Variants in NODAL observed in about 807,000 individuals in gnomAD.
The protein encoded by NODAL is nodal growth differentiation factor.
In NODAL, 12 loss-of-function variants were observed where a neutral mutation model predicts 34.0. The observed-to-expected ratio is 0.35, with a 90% CI of 0.23 to 0.57. The LOEUF is 0.57. Among genes scored for constraint, NODAL ranks in the 20% least tolerant of loss-of-function variants. The pLI is 0.83. For missense variants in NODAL, 390 were observed against 444.2 expected (o/e 0.88, Z 1.10); for synonymous variants, 162 against 186.4 (o/e 0.87, Z 1.07).
upstream of NODAL, among the ~76,000 whole-genome samples, chr10:70,442,849 T>A (rs1845447640): frequency 6.6e-6 from 1 of 152,108 alleles, no homozygotes; most frequent in African/African-American, 2.4e-5. Flanking sequence ...TTAGGGAGGA[T>A]GAGGCTGGCA....
intron 1 of NODAL, among the ~76,000 whole-genome samples, chr10:70,440,830 G>A (rs1845421601): frequency 6.6e-6 from 1 of 152,146 alleles, no homozygotes; most frequent in South Asian, 2.1e-4. Flanking sequence ...CGCGACTTCG[G>A]GACAGCCCAT....
At chr10:70,443,201 T>C (rs558859841), upstream of NODAL, among the ~76,000 whole-genome samples, 3 of 152,318 alleles carry the variant, frequency 2.0e-5, no homozygotes, top group South Asian at 6.2e-4. Context: ...GCTCCAAGCC[T>C]TTGTCCTCTG....
At position 70,441,549 on chromosome 10, in the gene NODAL, G is replaced by A; in HGVS notation, c.119C>T (p.Pro40Leu). 1.9e-6 allele frequency: 3 copies of A among 1,590,054 alleles called. No homozygotes were observed. Among genetic ancestry groups the A allele is most frequent in the Non-Finnish European group, 2.6e-6 (3 of 1,169,834 alleles). ...RTRGQPSSPSPLAYMLSLYRD... is the reference protein window; with the variant it reads ...RTRGQPSSPSLLAYMLSLYRD... ...GTAGAGGCTCAGCATGTACGCCAGA[G>A]GGGATGGCGACGAGGGCTGCCCCCG... The change falls in exon 1 of 3, where the codon CCT becomes CTT. Residue 40 changes from proline (P) to leucine (L), a missense_variant. Transcript: ENST00000287139.
upstream of NODAL, among the ~76,000 whole-genome samples, chr10:70,445,289 G>A (rs1026072100): frequency 6.6e-6 from 1 of 151,898 alleles, no homozygotes; most frequent in Non-Finnish European, 1.5e-5. Flanking sequence ...ACGGAGTCTC[G>A]CTCTGTCGCC....
rs1460088890 is a variant in NODAL at position 70,435,417 on chromosome 10, C to A, written c.760G>T (p.Val254Leu). ...CCCCATCCGATCAGGTTGAAGTCCA[C>A]CTGGAACTTGACCTTCCGACACAGT... ...SQLCRKVKFQ[V>L]DFNLIGWGSW... The change falls in exon 2 of 3, where the codon GTG (valine) becomes TTG (leucine). Residue 254 changes from valine (V) to leucine (L), a missense_variant. Val to Leu is a conservative substitution (Grantham distance 32). Coordinates refer to ENST00000287139, the MANE Select transcript of NODAL (RefSeq NM_018055.5). 6.2e-7 allele frequency: 1 copy of A among 1,614,064 alleles called. No individual in the cohort carries two copies. Among genetic ancestry groups the A allele is most frequent in the Non-Finnish European group, 8.5e-7 (1 of 1,180,044 alleles).
In NODAL at chr10:70,435,625, G is replaced by T; in HGVS notation, c.552C>A (p.Pro184=). Reference sequence around the variant, plus strand: ...GCACATTGGTGGCAGGCGGTGTGGGGGGCCGCGGCCAGCACTCTCCAGCTA... The same window carrying T: ...GCACATTGGTGGCAGGCGGTGTGGGTGGCCGCGGCCAGCACTCTCCAGCTA... ...SRVAGECWPR[P]PTPPATNVLL... Residue 184 remains proline (P), a synonymous_variant, in exon 2 of 3, where the codon CCC becomes CCA. Transcript: ENST00000287139. 1 of 1,613,960 alleles carries T rather than the reference G, an allele frequency of 6.2e-7. No individual in the cohort carries two copies. Among genetic ancestry groups the T allele is most frequent in the Non-Finnish European group, 8.5e-7 (1 of 1,179,942 alleles).
chr10:70,445,780 G>C (rs1326077460), upstream of NODAL, among the ~76,000 whole-genome samples: 1 of 152,116 alleles, frequency 6.6e-6, no homozygotes, highest in East Asian at 1.9e-4. Context: ...ACCCAAACCC[G>C]TTGCTTCCCC....
upstream of NODAL, among the ~76,000 whole-genome samples, chr10:70,444,210 G>A (rs1845463609): frequency 6.6e-6 from 1 of 152,136 alleles, no homozygotes. Context: ...TGGGATTACA[G>A]GCGTGAACCA....
In NODAL at chr10:70,432,488, A is replaced by G. The variant is rs903815836; in HGVS notation, c.*448T>C. The G allele has an allele frequency of 3.7e-6, 1 of 273,948 alleles. No individual in the cohort carries two copies. Among genetic ancestry groups the G allele is most frequent in the South Asian group, 4.2e-5 (1 of 23,784 alleles). The allele number at this position is 273,948 out of a possible 1,614,324, so 17.0% of individuals were successfully genotyped here. A position where few individuals can be genotyped will look rare whatever the true frequency, so the allele number is the denominator to read the frequency against. ...TTTTTAATCTATACAGTGATCCTTA[A>G]TCTTTGGGGAGGGGGACAGGTCACA... On this transcript the variant is annotated 3_prime_UTR_variant, in exon 3 of 3. Transcript: ENST00000287139.
chr10:70,440,986 C>A (rs1050420183), intron 1 of NODAL, among the ~76,000 whole-genome samples: 1 of 152,232 alleles, frequency 6.6e-6, no homozygotes, highest in Non-Finnish European at 1.5e-5. Context: ...GTAATACCAA[C>A]GACCGTTGAC....
At chr10:70,440,661 G>C (rs1048771073) in intron 1 of NODAL, among the ~76,000 whole-genome samples, 1 of 152,172 alleles carries the variant, frequency 6.6e-6, no homozygotes, top group African/African-American at 2.4e-5. Flanking sequence ...CGCCGCGCTG[G>C]GTGCCCAGAA....
intron 1 of NODAL, among the ~76,000 whole-genome samples, chr10:70,438,991 T>C (rs953708227): frequency 5.3e-5 from 8 of 152,162 alleles, no homozygotes; most frequent in African/African-American, 1.9e-4. Context: ...ATGCCCCTGA[T>C]GTCCTCCTGG....
rs150819707 is a variant in NODAL, at chr10:70,433,076, G to A, written c.904C>T (p.Arg302Cys). The A allele has an allele frequency of 9.2e-4, 1,483 of 1,613,944 alleles. No homozygotes were observed. Among genetic ancestry groups the A allele is most frequent in the Non-Finnish European group, 1.1e-3 (1,332 of 1,180,020 alleles). ...GAAGGGACTCGGTGGGGCTGGTAAC[G>A]TTTCAGCAGACTCTGTAAAGGAAAG... is the stretch of plus-strand genomic sequence containing the variant. ...NHAYIQSLLK[R>C]YQPHRVPSTC... Residue 302 changes from arginine (R) to cysteine (C), a missense_variant, in exon 3 of 3, where the codon CGT becomes TGT. Transcript: ENST00000287139.
upstream of NODAL, among the ~76,000 whole-genome samples, chr10:70,445,256 A>G (rs765553160): frequency 7.2e-5 from 11 of 151,926 alleles, no homozygotes; most frequent in Non-Finnish European, 1.5e-4. Context: ...ATTTTTAATT[A>G]ATTAATTAAT....
chr10:70,446,015 G>C (rs1167008148), upstream of NODAL, among the ~76,000 whole-genome samples: 1 of 152,212 alleles, frequency 6.6e-6, no homozygotes, highest in Non-Finnish European at 1.5e-5. Context: ...ATCCCTGGAA[G>C]AACCTGAATC....
intron 1 of NODAL, among the ~76,000 whole-genome samples, chr10:70,447,365 C>A (rs1368671296): frequency 6.6e-6 from 1 of 152,048 alleles, no homozygotes; most frequent in Non-Finnish European, 1.5e-5. Flanking sequence ...TGAGCTACCG[C>A]ACCTGGCCAG....
At chr10:70,436,654 C>G (rs1201463251) in intron 1 of NODAL, 1 of 153,356 alleles carries the variant, frequency 6.5e-6, no homozygotes, top group African/African-American at 2.4e-5. Flanking sequence ...GAGCCACAGG[C>G]AATAGAAGCC....
upstream of NODAL, among the ~76,000 whole-genome samples, chr10:70,446,104 A>G (rs1845484859): frequency 6.6e-6 from 1 of 152,164 alleles, no homozygotes; most frequent in African/African-American, 2.4e-5. Flanking sequence ...TCTCTTTCAT[A>G]TAAGAAAGAC....
upstream of NODAL, among the ~76,000 whole-genome samples, chr10:70,443,666 C>T (rs1043236541): frequency 1.3e-5 from 2 of 151,892 alleles, no homozygotes; most frequent in African/African-American, 4.8e-5. Context: ...ATGGAGAAAC[C>T]CTGTCTCTAC....
Sources: allele counts gnomAD v4.1 joint callset (sites outside exome capture counted in the v4.1 genomes callset), GRCh38; gene constraint gnomAD v4.1.1; transcripts MANE v1.5; gene names NCBI Gene and HGNC (gene_info 2026-07-23, HGNC 2026-07-21).